Variants in ATXN7 observed in about 807,000 individuals in gnomAD.
The protein encoded by ATXN7 is ataxin 7.
ATXN7 carries 12 observed loss-of-function variants against 70.5 expected under a neutral mutation model. That is an observed-to-expected ratio of 0.17 (90% CI 0.11 to 0.28). The LOEUF is 0.28. Among genes scored for constraint, ATXN7 ranks in the 10% least tolerant of loss-of-function variants. ATXN7 has a pLI of 1.00. For synonymous variants in ATXN7, 498 were observed against 448.7 expected (o/e 1.11, Z -1.39); for missense variants, 1,256 against 1,131.7 (o/e 1.11, Z -1.58).
intron 3 of ATXN7, 48 bp downstream of exon 3, chr3:63,912,971 C>CCT (rs764153847): frequency 1.5e-6 from 2 of 1,322,174 alleles, no homozygotes; most frequent in East Asian, 7.7e-5. Context: ...GCGACCCCCT[C>CCT]CTCTCTCCTC....
At chr3:63,982,488 T>C (rs1011597283) in intron 7 of ATXN7, 43 bp downstream of exon 7, 3 of 1,483,464 alleles carry the variant, frequency 2.0e-6, no homozygotes, top group Non-Finnish European at 2.8e-6. Context: ...CTCTATATAT[T>C]AAATGGGCAT....
intron 1 of ATXN7, among the ~76,000 whole-genome samples, chr3:63,865,623 G>C (rs1702392573): frequency 6.6e-6 from 1 of 152,078 alleles, no homozygotes; most frequent in Non-Finnish European, 1.5e-5. Context: ...CGGGCGCGGT[G>C]GCTCACGCCT....
intron 4 of ATXN7, among the ~76,000 whole-genome samples, chr3:63,942,586 T>C (rs887277998): frequency 1.3e-5 from 2 of 152,204 alleles, no homozygotes; most frequent in African/African-American, 4.8e-5. Flanking sequence ...CATAAATGAA[T>C]GAATGATGTA....
chr3:63,884,194 A>T, intron 1 of ATXN7, among the ~76,000 whole-genome samples: 1 of 136,436 alleles, frequency 7.3e-6, no homozygotes, highest in African/African-American at 2.8e-5. Context: ...AAGTAAGAAA[A>T]TAACATGCGC....
At chr3:63,998,818 TGCTG>T in intron 12 of ATXN7, 1 of 466,896 alleles carries the variant, frequency 2.1e-6, no homozygotes, top group Non-Finnish European at 2.8e-6. Context: ...GACCTCTACT[TGCTG>T]TTCCTTGTGG....
At chr3:63,952,634 C>G (rs2074973102) in intron 5 of ATXN7, 151 bp downstream of exon 5, 1 of 435,618 alleles carries the variant, frequency 2.3e-6, no homozygotes, top group Admixed American at 4.2e-5. Context: ...TAATAACTAT[C>G]AGATGTTGGG....
rs144441590 is a variant in ATXN7 at position 63,978,555 on chromosome 3, C to T, written c.500-1360C>T. 3.5e-4 allele frequency among the ~76,000 whole-genome samples: 54 copies of T among 152,238 alleles called. No homozygotes were observed. The East Asian group carries it at 9.3e-3, about 26-fold the overall frequency. On this transcript the variant is annotated intron_variant, in intron 5 of 12. Transcript: ENST00000674280. ...TCAGATGCCAAATTTGGAAAACTGC[C>T]GAACTGAATTTATTTTAGTTTTTTA...
chr3:63,938,672 C>G (rs1030758827), intron 4 of ATXN7, among the ~76,000 whole-genome samples: 26 of 152,208 alleles, frequency 1.7e-4, no homozygotes, highest in Non-Finnish European at 3.4e-4. Context: ...AGCTGTGAGG[C>G]ACCATGAGTA....
At chr3:63,961,266 A>G (rs2075126152) in intron 5 of ATXN7, among the ~76,000 whole-genome samples, 1 of 152,188 alleles carries the variant, frequency 6.6e-6, no homozygotes, top group African/African-American at 2.4e-5. Flanking sequence ...TTTCATGTTA[A>G]TACATATTGT....
At chr3:63,979,853 C>T in intron 5 of ATXN7, 62 bp from the exon 6 acceptor site, 11 of 1,594,962 alleles carry the variant, frequency 6.9e-6, no homozygotes, top group Non-Finnish European at 9.4e-6. Context: ...GGAATTCTTC[C>T]AGAATTACAT....
chr3:63,947,269 A>G lies in ATXN7; in HGVS notation c.395-5110A>G, dbSNP rs545955222. ...TGAAGTACCCAGTGAAGTAGGTACTATGGTCATCACGGTTCAATATGTGAA... is the reference window on the plus strand; with the variant it reads ...TGAAGTACCCAGTGAAGTAGGTACTGTGGTCATCACGGTTCAATATGTGAA... On this transcript the variant is annotated intron_variant, in intron 4 of 12. Coordinates refer to ENST00000674280, the MANE Select transcript of ATXN7 (RefSeq NM_001377405.1). Among the ~76,000 whole-genome samples, 5 of 152,226 alleles carry G rather than the reference A, an allele frequency of 3.3e-5. No homozygotes were observed. The South Asian group carries it at 8.3e-4, about 25-fold the overall frequency.
chr3:63,909,442 T>A (rs1396682006), intron 2 of ATXN7, among the ~76,000 whole-genome samples: 1 of 152,210 alleles, frequency 6.6e-6, no homozygotes, highest in Non-Finnish European at 1.5e-5. Flanking sequence ...TACACAGTTA[T>A]ATTCTTTTTA....
intron 4 of ATXN7, among the ~76,000 whole-genome samples, chr3:63,946,875 G>A (rs2106639700): frequency 6.6e-6 from 1 of 152,236 alleles, no homozygotes; most frequent in African/African-American, 2.4e-5. Flanking sequence ...GGCTCAGGCA[G>A]CTGGGAGGAG....
chr3:63,904,965 G>A (rs1345548279), intron 2 of ATXN7: 4 of 152,084 alleles, frequency 2.6e-5, no homozygotes, highest in Non-Finnish European at 5.9e-5. Flanking sequence ...CTCTGATTTA[G>A]ATTTGCATTT....
intron 4 of ATXN7, among the ~76,000 whole-genome samples, chr3:63,917,200 A>G (rs1704309648): frequency 6.6e-6 from 1 of 152,140 alleles, no homozygotes; most frequent in Non-Finnish European, 1.5e-5. Context: ...GATGACAGGT[A>G]TGAGCCACTG....
At chr3:63,894,731 C>T (rs1344292071) in intron 1 of ATXN7, among the ~76,000 whole-genome samples, 1 of 152,102 alleles carries the variant, frequency 6.6e-6, no homozygotes, top group African/African-American at 2.4e-5. Flanking sequence ...CTCACCCTTC[C>T]TCAAGCAGTC....
intron 1 of ATXN7, among the ~76,000 whole-genome samples, chr3:63,868,393 A>T (rs1318380580): frequency 1.3e-5 from 2 of 152,208 alleles, no homozygotes; most frequent in African/African-American, 2.4e-5. Flanking sequence ...TCCCGTATAA[A>T]AGTCTTAGCT....
chr3:63,951,735 A>C (rs919694927), intron 4 of ATXN7, among the ~76,000 whole-genome samples: 1 of 152,212 alleles, frequency 6.6e-6, no homozygotes, highest in Admixed American at 6.5e-5. Flanking sequence ...TTGCTGTCTT[A>C]CTGTTAAAAC....
At chr3:63,990,891 G>A (rs749831544) in intron 11 of ATXN7, 32 bp downstream of exon 11, 55 of 1,614,040 alleles carry the variant, frequency 3.4e-5, no homozygotes, top group Non-Finnish European at 4.2e-5. Flanking sequence ...GAGAGGAGCT[G>A]ACTTTACACA....
Sources: allele counts gnomAD v4.1 joint callset (sites outside exome capture counted in the v4.1 genomes callset), GRCh38; gene constraint gnomAD v4.1.1; transcripts MANE v1.5; gene names NCBI Gene and HGNC (gene_info 2026-07-23, HGNC 2026-07-21).